NRXN3: variants seen among roughly 807,000 people sequenced by gnomAD.
NRXN3 encodes neurexin 3.
A neutral mutation model predicts 137.6 loss-of-function variants in NRXN3; 32 were observed. The ratio of observed to expected loss-of-function variants is 0.23; its 90% CI spans 0.18 to 0.31. The LOEUF is 0.31. NRXN3 is among the 10% of genes least tolerant of loss of function. NRXN3 has a pLI of 1.00. For missense variants in NRXN3, 1,574 were observed against 2,062.5 expected, an observed-to-expected ratio of 0.76 and a Z score of 4.59; for synonymous variants, 798 against 784.5, an observed-to-expected ratio of 1.02 and a Z score of -0.29.
chr14:78,237,021 C>A (rs1489867433), intron 1 of NRXN3, among the ~76,000 whole-genome samples: 1 of 152,160 alleles, frequency 6.6e-6, no homozygotes, highest in Non-Finnish European at 1.5e-5. Context: ...GAGCACATTT[C>A]TGAGGTTCTT....
chr14:79,858,838 A>T (rs538266651), intron 20 of NRXN3, among the ~76,000 whole-genome samples: 1 of 152,184 alleles, frequency 6.6e-6, no homozygotes, highest in African/African-American at 2.4e-5. Context: ...ATAATAAAAA[A>T]GTTTGCTCAG....
At chr14:79,385,632 C>T (rs2094592305) in intron 15 of NRXN3, among the ~76,000 whole-genome samples, 1 of 152,088 alleles carries the variant, frequency 6.6e-6, no homozygotes, top group Non-Finnish European at 1.5e-5. Flanking sequence ...ACTTGGGCAC[C>T]ATCCTTGTGA....
At position 78,742,834 on chromosome 14, in the gene NRXN3, C is replaced by T. The variant is rs8003025; in HGVS notation, c.2044+27695C>T. 0.015 allele frequency among the ~76,000 whole-genome samples: 2,263 copies of T among 152,264 alleles called. 76 individuals carry two copies. In the East Asian group the frequency reaches 0.17, roughly 11 times the overall value. ...GGAACTGCCTGCAAATAGATTCTAACGATAAGAATGTTCTTCTTTTAGCTA... is the reference window on the plus strand; with the variant it reads ...GGAACTGCCTGCAAATAGATTCTAATGATAAGAATGTTCTTCTTTTAGCTA... On this transcript the variant is annotated intron_variant, in intron 8 of 20. Coordinates refer to ENST00000335750, the MANE Select transcript of NRXN3 (RefSeq NM_001330195.2).
At chr14:79,233,601 C>T (rs2072653727) in intron 15 of NRXN3, among the ~76,000 whole-genome samples, 1 of 151,928 alleles carries the variant, frequency 6.6e-6, no homozygotes, top group African/African-American at 2.4e-5. Flanking sequence ...TTAGAAAACT[C>T]TTGGAATAAC....
chr14:79,050,751 C>T (rs959793352), intron 15 of NRXN3, among the ~76,000 whole-genome samples: 4 of 152,350 alleles, frequency 2.6e-5, no homozygotes, highest in Non-Finnish European at 5.9e-5. Context: ...CCCTGACTGC[C>T]GGCCTCAAGC....
intron 8 of NRXN3, among the ~76,000 whole-genome samples, chr14:78,720,595 G>A (rs886300564): frequency 1.3e-5 from 2 of 152,024 alleles, no homozygotes; most frequent in Non-Finnish European, 2.9e-5. Flanking sequence ...ATCTATCTCA[G>A]CAAGTCTCAT....
At chr14:78,481,269 G>A (rs1698062711) in intron 4 of NRXN3, among the ~76,000 whole-genome samples, 1 of 152,152 alleles carries the variant, frequency 6.6e-6, no homozygotes, top group African/African-American at 2.4e-5. Flanking sequence ...TGCAAAATGA[G>A]TCTTAACTGA....
chr14:79,065,180 T>C (rs1227606332), intron 15 of NRXN3, among the ~76,000 whole-genome samples: 2 of 152,086 alleles, frequency 1.3e-5, no homozygotes, highest in Admixed American at 6.6e-5. Context: ...ATAATTCACA[T>C]CTTGCTTTTT....
At chr14:79,690,860 C>T (rs191908757) in intron 17 of NRXN3, among the ~76,000 whole-genome samples, 234 of 152,194 alleles carry the variant, frequency 1.5e-3, no homozygotes, top group African/African-American at 5.4e-3. Context: ...TGGTCTGATG[C>T]TATATGCAAT....
rs113032893 is a variant in NRXN3 at position 79,595,980 on chromosome 14, C to T, written c.3445-67798C>T. Among the ~76,000 whole-genome samples, 117 of 151,450 alleles carry T rather than the reference C, an allele frequency of 7.7e-4. No individual in the cohort carries two copies. In the Middle Eastern group the frequency reaches 0.017, roughly 22 times the overall value. On this transcript the variant is annotated intron_variant, in intron 16 of 20. Transcript: ENST00000335750. The stretch of plus-strand genomic sequence containing the variant: ...GAAAATCTAAAGACAGCCGGTTTTC[C>T]TGATGGTTCATGCCGTGGGGGAACG...
chr14:79,717,157 G>A (rs982584250), intron 19 of NRXN3, among the ~76,000 whole-genome samples: 26 of 152,144 alleles, frequency 1.7e-4, no homozygotes, highest in Non-Finnish European at 5.9e-5. Context: ...TTCGTGATGC[G>A]ACTGCTGCTT....
intron 8 of NRXN3, among the ~76,000 whole-genome samples, chr14:78,726,022 T>C (rs1215942076): frequency 6.6e-6 from 1 of 152,178 alleles, no homozygotes; most frequent in Non-Finnish European, 1.5e-5. Context: ...GGTCTTCCAC[T>C]CCTGAGTCCT....
At chr14:79,853,376 A>G (rs1353671096) in intron 20 of NRXN3, among the ~76,000 whole-genome samples, 1 of 152,178 alleles carries the variant, frequency 6.6e-6, no homozygotes, top group Non-Finnish European at 1.5e-5. Context: ...ATTATTTGAA[A>G]ATCTTTAATG....
At chr14:78,595,873 A>C (rs2097153919) in intron 4 of NRXN3, among the ~76,000 whole-genome samples, 1 of 152,206 alleles carries the variant, frequency 6.6e-6, no homozygotes, top group South Asian at 2.1e-4. Context: ...AGAGATATTG[A>C]GACAGGCTAC....
At chr14:79,232,188 A>G (rs536054217) in intron 15 of NRXN3, among the ~76,000 whole-genome samples, 2 of 152,226 alleles carry the variant, frequency 1.3e-5, no homozygotes, top group South Asian at 4.1e-4. Flanking sequence ...GTGAAAATTG[A>G]GTCCATCAGT....
At chr14:78,939,106 A>C (rs929340638) in intron 10 of NRXN3, among the ~76,000 whole-genome samples, 1 of 151,886 alleles carries the variant, frequency 6.6e-6, no homozygotes, top group Non-Finnish European at 1.5e-5. Flanking sequence ...CGGCCTCCCA[A>C]AGTGCTGGGA....
At chr14:78,720,352 T>C (rs2098454098) in intron 8 of NRXN3, among the ~76,000 whole-genome samples, 1 of 152,224 alleles carries the variant, frequency 6.6e-6, no homozygotes, top group African/African-American at 2.4e-5. Flanking sequence ...TACTTAATTC[T>C]AATCAGATAG....
chr14:78,789,172 G>A (rs560743752), intron 8 of NRXN3, among the ~76,000 whole-genome samples: 1 of 152,230 alleles, frequency 6.6e-6, no homozygotes, highest in Admixed American at 6.5e-5. Context: ...CTGAATCACC[G>A]GAGTTAGTCT....
chr14:78,686,060 A>T (rs1203704475), intron 6 of NRXN3, among the ~76,000 whole-genome samples: 1 of 152,108 alleles, frequency 6.6e-6, no homozygotes, highest in East Asian at 1.9e-4. Context: ...ATCACCATCT[A>T]ACATGCCGTA....
Sources: allele counts gnomAD v4.1 joint callset (sites outside exome capture counted in the v4.1 genomes callset), GRCh38; gene constraint gnomAD v4.1.1; transcripts MANE v1.5; gene names NCBI Gene and HGNC (gene_info 2026-07-23, HGNC 2026-07-21).